The following TMEM182 variants were observed in gnomAD, a reference collection of about 807,000 sequenced individuals.
TMEM182 encodes the protein transmembrane protein 182.
Under a neutral mutation model 26.8 loss-of-function variants are expected in TMEM182, and 20 were observed. The ratio of observed to expected loss-of-function variants is 0.75; its 90% CI spans 0.53 to 1.09. The LOEUF is 1.09. Among genes scored for constraint, TMEM182 ranks in the 50% least tolerant of loss-of-function variants. TMEM182 has a pLI of 0.00. For missense variants in TMEM182, 277 were observed against 275.5 expected (o/e 1.01, Z -0.04); for synonymous variants, 109 against 102.2 (o/e 1.07, Z -0.40).
intron 3 of TMEM182, among the ~76,000 whole-genome samples, chr2:102,783,349 G>A (rs1259526469): frequency 6.6e-6 from 1 of 152,160 alleles, no homozygotes; most frequent in African/African-American, 2.4e-5. Context: ...AAGAAATATT[G>A]ACAATCTACA....
Position 102,762,804 on chromosome 2 carries a change from T to G in TMEM182, c.232+118T>G, listed in dbSNP as rs912647367. ...TGTGAGTTACAAAATCTCAATTAGATGTCTTTAAAAGGTTCATCATGTAGA... is the reference window on the plus strand; with the variant it reads ...TGTGAGTTACAAAATCTCAATTAGAGGTCTTTAAAAGGTTCATCATGTAGA... On this transcript the variant is annotated intron_variant, in intron 2 of 4. Coordinates refer to ENST00000412401, the MANE Select transcript of TMEM182 (RefSeq NM_144632.5). The G allele has an allele frequency of 6.7e-6, 5 of 749,466 alleles. No individual in the cohort carries two copies. The African/African-American group carries it at 9.0e-5, about 13-fold the overall frequency. 46.4% of individuals were successfully genotyped at this position (749,466 alleles called of 1,614,324 possible). A position where few individuals can be genotyped will look rare whatever the true frequency, so the allele number is the denominator to read the frequency against.
intron 3 of TMEM182, among the ~76,000 whole-genome samples, chr2:102,822,905 G>A (rs1222847102): frequency 6.6e-6 from 1 of 151,866 alleles, no homozygotes; most frequent in Non-Finnish European, 1.5e-5. Context: ...AAAGAAGAAA[G>A]AAAGAAGAAA....
At chr2:102,812,441 C>T (rs1682590318) in intron 4 of TMEM182, among the ~76,000 whole-genome samples, 1 of 150,402 alleles carries the variant, frequency 6.6e-6, no homozygotes. Flanking sequence ...TGGTTTACCC[C>T]ATGGGTGAGA....
intron 1 of TMEM182, among the ~76,000 whole-genome samples, chr2:102,753,563 G>A (rs921973159): frequency 4.6e-5 from 7 of 152,006 alleles, no homozygotes; most frequent in Admixed American, 3.9e-4. Flanking sequence ...TTGAGATGGG[G>A]TCTTGCTATG....
In TMEM182 at chr2:102,816,024, A is replaced by G. The variant is rs1413216544; in HGVS notation, c.*1056A>G. 1 of 984,690 alleles carries G rather than the reference A, an allele frequency of 1.0e-6. No individual in the cohort carries two copies. The highest frequency in any genetic ancestry group is 1.7e-5 in the African/African-American group (1 of 57,212). The allele number at this position is 984,690 out of a possible 1,614,324, so 61.0% of individuals were successfully genotyped here. A position where few individuals can be genotyped will look rare whatever the true frequency, so the allele number is the denominator to read the frequency against. On this transcript the variant is annotated 3_prime_UTR_variant, in exon 5 of 5. Transcript: ENST00000412401. ...CTCAATTTCTTCATCTTTACAATAG[A>G]TATATTAACATTTACAGATCGACTA...
At chr2:102,741,283 G>T (rs937111743) in intron 1 of TMEM182, among the ~76,000 whole-genome samples, 3 of 152,160 alleles carry the variant, frequency 2.0e-5, no homozygotes, top group African/African-American at 7.2e-5. Flanking sequence ...TGGCAGGCAT[G>T]AGAGTTAGAA....
chr2:102,814,685 A>C, intron 4 of TMEM182, 63 bp from the exon 5 acceptor site: 1 of 1,450,916 alleles, frequency 6.9e-7, no homozygotes, highest in Non-Finnish European at 9.4e-7. Context: ...TGATTGGTTT[A>C]GATAGCGTTC....
At chr2:102,837,857 G>C (rs1683275087) in intron 3 of TMEM182, among the ~76,000 whole-genome samples, 1 of 152,208 alleles carries the variant, frequency 6.6e-6, no homozygotes, top group Non-Finnish European at 1.5e-5. Context: ...TAAGGAGGCA[G>C]AAGTGGCTTC....
intron 3 of TMEM182, among the ~76,000 whole-genome samples, chr2:102,823,576 G>A (rs111744296): frequency 9.9e-5 from 15 of 151,868 alleles, no homozygotes; most frequent in South Asian, 4.2e-4. Flanking sequence ...CTCGTGATCC[G>A]CCCACCTCGG....
chr2:102,837,076 A>G (rs1407173654), intron 3 of TMEM182, among the ~76,000 whole-genome samples: 1 of 152,178 alleles, frequency 6.6e-6, no homozygotes, highest in Non-Finnish European at 1.5e-5. Flanking sequence ...ACCTCCCTCC[A>G]ACCTTAATTG....
At chr2:102,763,608 AT>A (rs1298088265) in intron 2 of TMEM182, among the ~76,000 whole-genome samples, 2 of 152,178 alleles carry the variant, frequency 1.3e-5, no homozygotes, top group Non-Finnish European at 2.9e-5. Context: ...CAAGTACCTG[AT>A]AGACTATCTT....
upstream of TMEM182, among the ~76,000 whole-genome samples, chr2:102,761,694 A>G (rs1030572157): frequency 2.6e-5 from 4 of 152,298 alleles, no homozygotes; most frequent in African/African-American, 9.6e-5. Flanking sequence ...GTGGTTCTTT[A>G]TATCTGTGAT....
At chr2:102,758,234 AAGAG>A (rs144438095), upstream of TMEM182, among the ~76,000 whole-genome samples, 2,060 of 152,290 alleles carry the variant, frequency 0.014, 26 homozygotes, top group Middle Eastern at 0.031. Flanking sequence ...TTCATTAAAA[AAGAG>A]AGAGAAAGGG....
upstream of TMEM182, among the ~76,000 whole-genome samples, chr2:102,759,264 C>A (rs1165611667): frequency 6.6e-6 from 1 of 152,144 alleles, no homozygotes; most frequent in Non-Finnish European, 1.5e-5. Flanking sequence ...ACAGATTGCT[C>A]CTTCTTTCCA....
chr2:102,814,148 G>T (rs1032399647), intron 4 of TMEM182, among the ~76,000 whole-genome samples: 1 of 151,392 alleles, frequency 6.6e-6, no homozygotes, highest in African/African-American at 2.4e-5. Context: ...TGTTTGTTCA[G>T]TGTTTTCATC....
Position 102,816,827 on chromosome 2 carries a change from A to G in TMEM182, c.*1859A>G, listed in dbSNP as rs989892036. Reference sequence around the variant, plus strand: ...CAATTCTTTTTTGTAGTACTTTGGAATGGAGCCTTTTTCTGGTGTACTGTA... The same window carrying G: ...CAATTCTTTTTTGTAGTACTTTGGAGTGGAGCCTTTTTCTGGTGTACTGTA... On this transcript the variant is annotated 3_prime_UTR_variant, in exon 5 of 5. Coordinates refer to ENST00000412401, the MANE Select transcript of TMEM182 (RefSeq NM_144632.5). 1 of 985,806 alleles carries G rather than the reference A, an allele frequency of 1.0e-6. No homozygotes were observed. The highest frequency in any genetic ancestry group is 1.7e-5 in the African/African-American group (1 of 57,332). 61.1% of individuals were successfully genotyped at this position (985,806 alleles called of 1,614,324 possible).
At chr2:102,761,711 A>G (rs1007434119), upstream of TMEM182, among the ~76,000 whole-genome samples, 6 of 152,212 alleles carry the variant, frequency 3.9e-5, no homozygotes, top group Admixed American at 3.3e-4. Context: ...TGATTTATAT[A>G]TCTTCAAAGA....
At chr2:102,738,472 G>A (rs1050639118) in intron 1 of TMEM182, among the ~76,000 whole-genome samples, 1 of 152,102 alleles carries the variant, frequency 6.6e-6, no homozygotes, top group Non-Finnish European at 1.5e-5. Flanking sequence ...GTGCGCGCCT[G>A]TAGTCCCAGC....
chr2:102,786,753 TG>T (rs893185098), intron 3 of TMEM182, among the ~76,000 whole-genome samples: 15 of 152,296 alleles, frequency 9.8e-5, no homozygotes, highest in Middle Eastern at 6.8e-3. Flanking sequence ...AGTGGTAAAT[TG>T]TTGATTCTCT....
Sources: allele counts gnomAD v4.1 joint callset (sites outside exome capture counted in the v4.1 genomes callset), GRCh38; gene constraint gnomAD v4.1.1; transcripts MANE v1.5; gene names NCBI Gene and HGNC (gene_info 2026-07-23, HGNC 2026-07-21).